Variants in MS4A14 observed in about 807,000 individuals in gnomAD.
The protein encoded by MS4A14 is membrane-spanning 4-domains subfamily A member 14.
In MS4A14, 18 loss-of-function variants were observed where a neutral mutation model predicts 16.7. The observed-to-expected ratio is 1.08, with a 90% CI of 0.75 to 1.60. The LOEUF (loss-of-function observed/expected upper bound fraction) is 1.60, where lower values mean the gene tolerates loss of function less well. Ranked by LOEUF, MS4A14 falls within the 40% of genes most tolerant of loss-of-function variation. MS4A14 has a pLI of 0.00. For missense variants in MS4A14, 812 were observed against 775.3 expected, an observed-to-expected ratio of 1.05 and a Z score of -0.56; for synonymous variants, 305 against 289.4, an observed-to-expected ratio of 1.05 and a Z score of -0.55.
chr11:60,400,554 C>A (rs2085698020), intron 3 of MS4A14, 100 bp downstream of exon 3: 2 of 746,954 alleles, frequency 2.7e-6, no homozygotes, highest in African/African-American at 1.8e-5. Context: ...TCAGGAAAAT[C>A]TGTATGCATC....
intron 4 of MS4A14, chr11:60,404,499 C>G (rs1565175448): frequency 2.2e-6 from 1 of 454,956 alleles, no homozygotes; most frequent in Non-Finnish European, 4.4e-6. Flanking sequence ...ACAGCCTTAC[C>G]AAACCCTGTA....
chr11:60,403,164 C>G, intron 4 of MS4A14, 103 bp downstream of exon 4: 1 of 1,322,714 alleles, frequency 7.6e-7, no homozygotes, highest in Non-Finnish European at 1.1e-6. Flanking sequence ...GAAGTTGTGT[C>G]AGCATTTGAA....
Position 60,415,812 on chromosome 11 carries a change from G to C in MS4A14, c.844G>C (p.Ala282Pro). ...AATGAAAGATGAAGATCTACAATCT[G>C]CTATTGTACAACCTTCTCAAATGCA... ...KQMKDEDLQS[A>P]IVQPSQMQTK... Residue 282 changes from alanine (A) to proline (P), a missense_variant, in exon 5 of 5, where the codon GCT becomes CCT. Coordinates refer to ENST00000300187, the MANE Select transcript of MS4A14 (RefSeq NM_032597.5). 1 of 1,613,904 alleles carries C rather than the reference G, an allele frequency of 6.2e-7. No individual in the cohort carries two copies. Among genetic ancestry groups the C allele is most frequent in the Non-Finnish European group, 8.5e-7 (1 of 1,179,912 alleles).
chr11:60,405,628 C>T (rs74541389), intron 4 of MS4A14, among the ~76,000 whole-genome samples: 2,155 of 152,176 alleles, frequency 0.014, 49 homozygotes, highest in African/African-American at 0.049. Context: ...GTAATGGATG[C>T]CTCCTATGAA....
intron 2 of MS4A14, among the ~76,000 whole-genome samples, chr11:60,398,947 A>T (rs952022678): frequency 6.6e-6 from 1 of 152,210 alleles, no homozygotes; most frequent in Admixed American, 6.5e-5. Context: ...TCCCAGTGTG[A>T]CTTTGTGTAC....
At chr11:60,413,143 A>G (rs1186934846) in intron 4 of MS4A14, among the ~76,000 whole-genome samples, 1 of 151,780 alleles carries the variant, frequency 6.6e-6, no homozygotes, top group Non-Finnish European at 1.5e-5. Context: ...TTAAATGTTC[A>G]TTCCCACATA....
At chr11:60,411,568 T>C (rs1210087851) in intron 4 of MS4A14, among the ~76,000 whole-genome samples, 4 of 152,186 alleles carry the variant, frequency 2.6e-5, no homozygotes, top group African/African-American at 9.7e-5. Context: ...TCATATTGTT[T>C]ATTGCTGTTA....
At chr11:60,400,176 G>A (rs2085690418) in intron 2 of MS4A14, among the ~76,000 whole-genome samples, 1 of 152,304 alleles carries the variant, frequency 6.6e-6, no homozygotes, top group South Asian at 2.1e-4. Context: ...GAGCCTGCCT[G>A]TCCCAGTTGG....
At chr11:60,400,316 A>C (rs2085693105) in intron 2 of MS4A14, 88 bp from the exon 3 acceptor site, 1 of 828,446 alleles carries the variant, frequency 1.2e-6, no homozygotes, top group African/African-American at 1.7e-5. Context: ...AGATTCACAA[A>C]CAGATATTTT....
At chr11:60,413,767 T>G (rs1054960053) in intron 4 of MS4A14, among the ~76,000 whole-genome samples, 3 of 152,036 alleles carry the variant, frequency 2.0e-5, no homozygotes, top group African/African-American at 7.2e-5. Flanking sequence ...AAAGGGAAAG[T>G]GAACTCTACA....
intron 4 of MS4A14, among the ~76,000 whole-genome samples, chr11:60,408,550 C>A (rs1240099654): frequency 6.6e-6 from 1 of 152,144 alleles, no homozygotes; most frequent in Non-Finnish European, 1.5e-5. Context: ...TAAGTGGAAT[C>A]TTACAATATT....
chr11:60,412,877 A>G (rs1403393237), intron 4 of MS4A14, among the ~76,000 whole-genome samples: 2 of 151,970 alleles, frequency 1.3e-5, no homozygotes, highest in Non-Finnish European at 2.9e-5. Context: ...ATTGATTGCT[A>G]CAAAAATCTT....
intron 4 of MS4A14, 144 bp downstream of exon 4, chr11:60,403,205 C>T (rs1350699234): frequency 3.5e-6 from 3 of 862,914 alleles, no homozygotes; most frequent in East Asian, 5.1e-5. Flanking sequence ...CATGGGGTTA[C>T]TGTTACAATG....
At chr11:60,412,083 A>T (rs909534228) in intron 4 of MS4A14, among the ~76,000 whole-genome samples, 5 of 152,020 alleles carry the variant, frequency 3.3e-5, no homozygotes, top group Non-Finnish European at 7.4e-5. Context: ...TTATTGTACC[A>T]TCCTTGTATT....
chr11:60,415,311 G>T (rs1407926193), intron 4 of MS4A14, 126 bp from the exon 5 acceptor site: 1 of 994,230 alleles, frequency 1.0e-6, no homozygotes, highest in African/African-American at 1.7e-5. Flanking sequence ...TTCGTTTTCT[G>T]CCTTCTCATT....
rs1465373993 is a variant in MS4A14 at position 60,415,949 on chromosome 11, A to C, written c.981A>C (p.Val327=). The change falls in exon 5 of 5, where the codon GTA becomes GTC. Residue 327 remains valine (V), a synonymous_variant. Transcript: ENST00000300187. ...PEDLPSQALP[V]EGLSEQTMPS... The stretch of plus-strand genomic sequence containing the variant: ...ACTTGCCATCCCAAGCTCTACCAGT[A>C]GAAGGCCTGTCAGAACAAACCATGC... 1.2e-6 allele frequency: 2 copies of C among 1,613,926 alleles called. No homozygotes were observed. The highest frequency in any genetic ancestry group is 1.7e-6 in the Non-Finnish European group (2 of 1,179,870).
Position 60,416,513 on chromosome 11 carries a change from G to A in MS4A14, c.1545G>A (p.Arg515=), listed in dbSNP as rs2085946683. Residue 515 remains arginine (R), a synonymous_variant, in exon 5 of 5, where the codon AGG becomes AGA. Coordinates refer to ENST00000300187, the MANE Select transcript of MS4A14 (RefSeq NM_032597.5). The part of the protein sequence containing the change: ...VQAKGQKSSK[R]HSLDQQSKGW... ...CCAAAGGCCAGAAATCCTCAAAGAG[G>A]CATTCCTTAGATCAGCAAAGCAAAG... 1.9e-6 allele frequency: 3 copies of A among 1,613,772 alleles called. No individual in the cohort carries two copies. The highest frequency in any genetic ancestry group is 2.5e-6 in the Non-Finnish European group (3 of 1,179,920).
intron 4 of MS4A14, among the ~76,000 whole-genome samples, chr11:60,412,057 A>G (rs1263396624): frequency 2.6e-5 from 4 of 152,046 alleles, no homozygotes; most frequent in Non-Finnish European, 5.9e-5. Flanking sequence ...GTAATGTATT[A>G]CATTTATTGA....
At chr11:60,401,122 C>T (rs975094572) in intron 3 of MS4A14, among the ~76,000 whole-genome samples, 2 of 152,190 alleles carry the variant, frequency 1.3e-5, no homozygotes, top group African/African-American at 4.8e-5. Context: ...AAAGTGCCTA[C>T]TTCTAAGGGT....
Sources: allele counts gnomAD v4.1 joint callset (sites outside exome capture counted in the v4.1 genomes callset), GRCh38; gene constraint gnomAD v4.1.1; transcripts MANE v1.5; gene names NCBI Gene and HGNC (gene_info 2026-07-23, HGNC 2026-07-21).